The following PRH1 variants were observed in gnomAD, a reference collection of about 807,000 sequenced individuals.
PRH1 encodes the protein salivary acidic proline-rich phosphoprotein 1/2.
Under a neutral mutation model 7.9 loss-of-function variants are expected in PRH1, and 7 were observed. The ratio of observed to expected loss-of-function variants is 0.89; its 90% confidence interval spans 0.50 to 1.67. The LOEUF (loss-of-function observed/expected upper bound fraction) is 1.67. PRH1 is among the 40% of genes most tolerant of loss of function. PRH1 has a pLI of 0.00. For missense variants in PRH1, 109 were observed against 223.6 expected (o/e 0.49, Z 3.27); for synonymous variants, 45 against 80.8 (o/e 0.56, Z 2.38).
At chr12:11,169,133 C>G (rs1348067485) in intron 1 of PRH1, among the ~76,000 whole-genome samples, 3 of 152,196 alleles carry the variant, frequency 2.0e-5, no homozygotes, top group Non-Finnish European at 4.4e-5. Flanking sequence ...ATGCCCAAGC[C>G]AGTCAATGCA....
rs752125189 is a variant in PRH1 at position 11,030,410 on chromosome 12, G to A, written c.-126+16610C>T. On this transcript the variant is annotated intron_variant, in intron 1 of 3. Coordinates refer to the PRH1 transcript ENST00000539853. ...CACAATGCCCCTCTCATGAATCTATGGAGATGAAGGCTTCTCTCCTTTCAC... is the reference window on the plus strand; with the variant it reads ...CACAATGCCCCTCTCATGAATCTATAGAGATGAAGGCTTCTCTCCTTTCAC... 5.6e-6 allele frequency: 9 copies of A among 1,613,226 alleles called. No individual in the cohort carries two copies. Among genetic ancestry groups the A allele is most frequent in the Non-Finnish European group, 1.7e-6 (2 of 1,179,636 alleles).
intron 1 of PRH1, among the ~76,000 whole-genome samples, chr12:11,000,418 CTT>C (rs1335408599): frequency 6.6e-6 from 1 of 152,072 alleles, no homozygotes; most frequent in Non-Finnish European, 1.5e-5. Context: ...TTGAATTCTA[CTT>C]TCCATTTTTC....
intron 1 of PRH1, chr12:10,986,044 CAAGATAT>C: frequency 6.2e-7 from 1 of 1,614,020 alleles, no homozygotes; most frequent in South Asian, 1.1e-5. Context: ...GAGTCGAATG[CAAGATAT>C]ATGTTTCCAA....
intron 1 of PRH1, among the ~76,000 whole-genome samples, chr12:11,071,425 A>G (rs1463886980): frequency 6.6e-6 from 1 of 152,214 alleles, no homozygotes; most frequent in East Asian, 1.9e-4. Context: ...AAGTTTTTGC[A>G]TAACTTCAGA....
At chr12:11,069,889 T>A (rs1207091922) in intron 1 of PRH1, among the ~76,000 whole-genome samples, 1 of 152,176 alleles carries the variant, frequency 6.6e-6, no homozygotes, top group Non-Finnish European at 1.5e-5. Context: ...TGCTGAAAAT[T>A]CACCACAGAA....
intron 1 of PRH1, among the ~76,000 whole-genome samples, chr12:10,993,308 G>C (rs12314020): frequency 0.21 from 32,045 of 152,114 alleles, 3,982 homozygotes; most frequent in Non-Finnish European, 0.27. Context: ...TCATGGCTAC[G>C]TCACTTCTGT....
At chr12:10,881,604 T>A (rs1949401646) in intron 3 of PRH1, among the ~76,000 whole-genome samples, 1 of 152,304 alleles carries the variant, frequency 6.6e-6, no homozygotes, top group Non-Finnish European at 1.5e-5. Context: ...ATTATATATA[T>A]TTATGTAGCA....
chr12:11,031,180 C>G (rs577784067), intron 1 of PRH1: 1 of 1,614,170 alleles, frequency 6.2e-7, no homozygotes, highest in East Asian at 2.2e-5. Context: ...CTCTGGAGAC[C>G]GCCAGAGCAG....
At chr12:10,942,289 T>C (rs190557041) in intron 2 of PRH1, among the ~76,000 whole-genome samples, 237 of 152,056 alleles carry the variant, frequency 1.6e-3, no homozygotes, top group Non-Finnish European at 2.8e-3. Flanking sequence ...CTCTCAAGAG[T>C]TTATGCCCTT....
At position 11,123,126 on chromosome 12, in the gene PRH1, T is replaced by C. The variant is rs968674227; in HGVS notation, n.40-1946A>G. ...TCATGGCTTCCTGGACTCAACATTATGTATCTGAAATTTAATCACATGGTT... is the reference window on the plus strand; with the variant it reads ...TCATGGCTTCCTGGACTCAACATTACGTATCTGAAATTTAATCACATGGTT... On this transcript the variant is annotated intron_variant and non_coding_transcript_variant, in intron 1 of 1. Transcript: ENST00000541175. 2.0e-5 allele frequency among the ~76,000 whole-genome samples: 3 copies of C among 152,266 alleles called. 1 individual carries two copies. The highest frequency in any genetic ancestry group is 4.1e-4 in the South Asian group (2 of 4,838).
chr12:11,091,123 T>TATATATATGAG, intron 1 of PRH1, among the ~76,000 whole-genome samples: 1 of 53,396 alleles, frequency 1.9e-5, no homozygotes, highest in Admixed American at 2.3e-4. Flanking sequence ...CACATATATA[T>TATATATATGAG]ATATATATAT....
intron 1 of PRH1, among the ~76,000 whole-genome samples, chr12:10,979,876 G>A (rs1053619789): frequency 2.6e-5 from 4 of 152,170 alleles, no homozygotes; most frequent in Non-Finnish European, 5.9e-5. Context: ...CTGAAAGTCT[G>A]AAGTCTTCAT....
At chr12:11,075,432 C>A (rs151267346) in intron 1 of PRH1, among the ~76,000 whole-genome samples, 2,507 of 109,030 alleles carry the variant, frequency 0.023, 636 homozygotes, top group South Asian at 0.038. Context: ...ATCAGCAAAG[C>A]ATTGAAGGCA....
chr12:10,938,311 C>T, intron 2 of PRH1: 1 of 1,613,746 alleles, frequency 6.2e-7, no homozygotes, highest in Non-Finnish European at 8.5e-7. Flanking sequence ...TGAACATGTA[C>T]CTCAGCCACA....
At chr12:11,122,344 T>A (rs1278840612) in intron 1 of PRH1, among the ~76,000 whole-genome samples, 1 of 152,200 alleles carries the variant, frequency 6.6e-6, no homozygotes, top group Non-Finnish European at 1.5e-5. Context: ...CCATCTCCAA[T>A]CACCACAGCC....
intron 1 of PRH1, among the ~76,000 whole-genome samples, chr12:11,008,297 T>A: frequency 6.6e-6 from 1 of 152,048 alleles, no homozygotes; most frequent in East Asian, 1.9e-4. Context: ...TATGAGACAT[T>A]TCTCCTAATT....
intron 1 of PRH1, among the ~76,000 whole-genome samples, chr12:11,099,060 T>G (rs1385469419): frequency 6.6e-6 from 1 of 152,102 alleles, no homozygotes; most frequent in Non-Finnish European, 1.5e-5. Flanking sequence ...TATAAAATAT[T>G]TAGCCATTTT....
chr12:10,928,441 C>T (rs1368771295), intron 2 of PRH1, among the ~76,000 whole-genome samples: 1 of 152,226 alleles, frequency 6.6e-6, no homozygotes, highest in East Asian at 1.9e-4. Flanking sequence ...AGCTACATGA[C>T]ATCGTGTGGC....
intron 1 of PRH1, among the ~76,000 whole-genome samples, chr12:11,126,837 A>G (rs1033241841): frequency 1.3e-5 from 2 of 152,262 alleles, no homozygotes; most frequent in African/African-American, 4.8e-5. Flanking sequence ...AAAGGACTCA[A>G]AGAAAATAAT....
Sources: gnomAD v4.1 joint callset for allele counts (sites outside exome capture counted in the v4.1 genomes callset) on GRCh38, gnomAD v4.1.1 for gene constraint, MANE v1.5 for transcripts, NCBI Gene and HGNC (gene_info 2026-07-23, HGNC 2026-07-21) for gene names.